Variants in ARHGAP35 observed in about 807,000 individuals in gnomAD.
ARHGAP35 encodes Rho GTPase activating protein 35.
In ARHGAP35, 15 loss-of-function variants were observed where a neutral mutation model predicts 111.1. The observed-to-expected ratio is 0.13, with a 90% CI of 0.09 to 0.21. The LOEUF is 0.21. Among genes scored for constraint, ARHGAP35 ranks in the 10% least tolerant of loss-of-function variants. The pLI is 1.00. For synonymous variants in ARHGAP35, 643 were observed against 710.3 expected, an observed-to-expected ratio of 0.91 and a Z score of 1.51; for missense variants, 1,262 against 1,873.0, an observed-to-expected ratio of 0.67 and a Z score of 6.02.
chr19:46,898,131 A>T (rs973758066), intron 1 of ARHGAP35, among the ~76,000 whole-genome samples: 1 of 152,024 alleles, frequency 6.6e-6, no homozygotes, highest in Non-Finnish European at 1.5e-5. Flanking sequence ...AATCCCAGCT[A>T]CTTGGGAGGC....
Position 47,000,517 on chromosome 19 carries a change from G to GC in ARHGAP35, c.4335dup (p.Gly1446ArgfsTer70). ...TCTTCTACAATCGGCCCATCACCGA[G>GC]CCCCCCGGCGCCAGGCCCAGCTCCC... On this transcript the variant is annotated frameshift_variant, in exon 7 of 7. Coordinates refer to ENST00000672722, the MANE Select transcript of ARHGAP35 (RefSeq NM_004491.5). LOFTEE classifies it high-confidence loss of function. This position sits in a 1 kb window ranked among gnomAD's most constrained non-coding sequence, Gnocchi z 6.9. The GC allele has an allele frequency of 6.2e-7, 1 of 1,613,302 alleles. No homozygotes were observed.
Position 47,003,567 on chromosome 19 carries a change from G to A in ARHGAP35, c.*2879G>A, listed in dbSNP as rs143955584. 54 of 152,316 alleles carry A rather than the reference G, an allele frequency of 3.5e-4. No homozygotes were observed. Among genetic ancestry groups the A allele is most frequent in the African/African-American group, 1.1e-3 (47 of 41,552 alleles). The allele number at this position is 152,316 out of a possible 1,614,324, so 9.4% of individuals were successfully genotyped here. Reference sequence around the variant, plus strand: ...GCTTGTGTCGCATACTGGGTGTCACGGCACACATTTACTCTGCATTGTCCC... The same window carrying A: ...GCTTGTGTCGCATACTGGGTGTCACAGCACACATTTACTCTGCATTGTCCC... On this transcript the variant is annotated 3_prime_UTR_variant, in exon 7 of 7. Transcript: ENST00000672722.
chr19:46,884,302 C>T (rs1220389387), intron 1 of ARHGAP35, among the ~76,000 whole-genome samples: 1 of 151,818 alleles, frequency 6.6e-6, no homozygotes, highest in African/African-American at 2.4e-5. Context: ...ACAAAAACAA[C>T]AACAACAAAA....
Position 47,000,527 on chromosome 19 carries a change from G to A in ARHGAP35, c.4339G>A (p.Ala1447Thr), listed in dbSNP as rs61208426. Residue 1447 changes from alanine (A) to threonine (T), a missense_variant, in exon 7 of 7, where the codon GCC (alanine) becomes ACC (threonine). Physicochemically the swap from Ala to Thr is moderately conservative, Grantham distance 58 (BLOSUM62 0). Transcript: ENST00000672722. This position sits in a 1 kb window ranked among gnomAD's most constrained non-coding sequence, Gnocchi z 6.9. ...YNRPITEPPG[A>T]RPSSPSAVAS... is the part of the protein sequence containing the mutation. Reference sequence around the variant, plus strand: ...TCGGCCCATCACCGAGCCCCCCGGCGCCAGGCCCAGCTCCCCCTCTGCCGT... The same window carrying A: ...TCGGCCCATCACCGAGCCCCCCGGCACCAGGCCCAGCTCCCCCTCTGCCGT... The A allele has an allele frequency of 3.2e-5, 51 of 1,612,482 alleles. No individual in the cohort carries two copies. Among genetic ancestry groups the A allele is most frequent in the East Asian group, 2.0e-4 (9 of 44,846 alleles).
chr19:46,947,993 C>T (rs2056389548), intron 3 of ARHGAP35: 1 of 152,280 alleles, frequency 6.6e-6, no homozygotes, highest in Admixed American at 6.5e-5. Context: ...CAGGAACCTC[C>T]AGTGTTCAGT....
At position 46,921,611 on chromosome 19, in the gene ARHGAP35, A is replaced by G; in HGVS notation, c.2936A>G (p.Asn979Ser). Residue 979 changes from asparagine to serine, a missense_variant, in exon 2 of 7, where the codon AAC becomes AGC. By Grantham distance (46) the Asn-to-Ser change is conservative. Coordinates refer to ENST00000672722, the MANE Select transcript of ARHGAP35 (RefSeq NM_004491.5). The surrounding 1 kb of genome is among the most constrained non-coding windows in gnomAD (Gnocchi z 4.3). ...NSPRAGSPLC[N>S]SNLQDSEEDI... is the part of the protein sequence containing the mutation. Reference sequence around the variant, plus strand: ...CCCCGGGCAGGATCACCGCTCTGCAACTCAAACCTGCAGGATTCAGAAGAA... The same window carrying G: ...CCCCGGGCAGGATCACCGCTCTGCAGCTCAAACCTGCAGGATTCAGAAGAA... The G allele has an allele frequency of 6.2e-7, 1 of 1,613,908 alleles. No individual in the cohort carries two copies. The highest frequency in any genetic ancestry group is 8.5e-7 in the Non-Finnish European group (1 of 1,179,862).
At chr19:46,894,172 A>C (rs1457808547) in intron 1 of ARHGAP35, among the ~76,000 whole-genome samples, 1 of 152,130 alleles carries the variant, frequency 6.6e-6, no homozygotes, top group African/African-American at 2.4e-5. Flanking sequence ...TTGCCTGTGG[A>C]TTTCAAGGAA....
At chr19:46,967,987 G>A (rs1226165829) in intron 3 of ARHGAP35, among the ~76,000 whole-genome samples, 2 of 152,308 alleles carry the variant, frequency 1.3e-5, no homozygotes, top group East Asian at 3.9e-4. Context: ...GTAGCACACT[G>A]TACTCTGATT....
intron 1 of ARHGAP35, among the ~76,000 whole-genome samples, chr19:46,898,666 A>G (rs1471976016): frequency 6.6e-6 from 1 of 152,232 alleles, no homozygotes; most frequent in Admixed American, 6.5e-5. Context: ...GGGATTTATT[A>G]CAAAGGTGCT....
intron 1 of ARHGAP35, among the ~76,000 whole-genome samples, chr19:46,897,922 C>A (rs1000505619): frequency 1.3e-5 from 2 of 152,020 alleles, no homozygotes; most frequent in African/African-American, 4.8e-5. Flanking sequence ...TTAGAGTGAC[C>A]ATTTACATGG....
intron 1 of ARHGAP35, among the ~76,000 whole-genome samples, chr19:46,899,256 G>A (rs184061806): frequency 2.2e-3 from 328 of 152,260 alleles, no homozygotes; most frequent in Non-Finnish European, 3.2e-3. Context: ...CCAGAGTGGT[G>A]GTGTGGAGGC....
At chr19:46,971,121 A>G (rs2056545196) in intron 3 of ARHGAP35, among the ~76,000 whole-genome samples, 1 of 152,156 alleles carries the variant, frequency 6.6e-6, no homozygotes, top group Admixed American at 6.6e-5. Context: ...AAAATAGGCA[A>G]ACTTGGCTGG....
intron 3 of ARHGAP35, among the ~76,000 whole-genome samples, chr19:46,966,889 C>T (rs1164745805): frequency 6.6e-6 from 1 of 152,136 alleles, no homozygotes; most frequent in African/African-American, 2.4e-5. Context: ...GTTAGTGCTG[C>T]AGAAGTCAGG....
chr19:46,927,933 A>C (rs919508517), intron 2 of ARHGAP35, among the ~76,000 whole-genome samples: 4 of 152,196 alleles, frequency 2.6e-5, no homozygotes, highest in African/African-American at 7.2e-5. Context: ...CAATCAGTCC[A>C]GTCGATTTGT....
chr19:46,899,702 AAAAAAC>A (rs370149996), intron 1 of ARHGAP35, among the ~76,000 whole-genome samples: 80 of 151,984 alleles, frequency 5.3e-4, no homozygotes, highest in Admixed American at 1.6e-3. Flanking sequence ...CCTGTACAAA[AAAAAAC>A]AAAAACAAAA....
At chr19:46,947,863 A>G (rs982234020) in intron 3 of ARHGAP35, 1 of 152,224 alleles carries the variant, frequency 6.6e-6, no homozygotes, top group Non-Finnish European at 1.5e-5. Context: ...AACTTAGGGA[A>G]ACACTTGCTT....
intron 1 of ARHGAP35, among the ~76,000 whole-genome samples, chr19:46,900,122 A>G (rs1264102192): frequency 6.6e-6 from 1 of 152,122 alleles, no homozygotes; most frequent in African/African-American, 2.4e-5. Context: ...ATGCCTTGAT[A>G]AGTTAGACTC....
intron 3 of ARHGAP35, among the ~76,000 whole-genome samples, chr19:46,950,963 AAG>A (rs1314780498): frequency 1.3e-5 from 2 of 152,214 alleles, no homozygotes; most frequent in Non-Finnish European, 2.9e-5. Context: ...GAGGAGAGGA[AAG>A]AGAGCAAGTC....
intron 3 of ARHGAP35, among the ~76,000 whole-genome samples, chr19:46,965,633 C>T (rs574156643): frequency 6.6e-6 from 1 of 152,186 alleles, no homozygotes; most frequent in Admixed American, 6.5e-5. Flanking sequence ...TTCAGGTGCA[C>T]ACCACCATGC....
Sources: gnomAD v4.1 joint callset for allele counts (sites outside exome capture counted in the v4.1 genomes callset) on GRCh38, gnomAD v4.1.1 for gene constraint, Gnocchi (gnomAD v3.1) non-coding constraint, MANE v1.5 for transcripts, NCBI Gene and HGNC (gene_info 2026-07-23, HGNC 2026-07-21) for gene names.